Variants in FAT3 observed in about 807,000 individuals in gnomAD.
FAT3 encodes the protein FAT atypical cadherin 3, also known as protocadherin Fat 3.
In FAT3, 95 loss-of-function variants were observed where a neutral mutation model predicts 310.2. The ratio of observed to expected loss-of-function variants is 0.31; its 90% CI spans 0.26 to 0.36. FAT3 has a LOEUF of 0.36. FAT3 is among the 10% of genes least tolerant of loss of function. The pLI is 1.00. For synonymous variants in FAT3, 2,314 were observed against 2,192.9 expected, an observed-to-expected ratio of 1.06 and a Z score of -1.54; for missense variants, 5,408 against 5,715.6, an observed-to-expected ratio of 0.95 and a Z score of 1.74.
At chr11:92,848,859 C>T (rs1948749522) in intron 19 of FAT3, among the ~76,000 whole-genome samples, 1 of 152,156 alleles carries the variant, frequency 6.6e-6, no homozygotes, top group Non-Finnish European at 1.5e-5. Flanking sequence ...GCTGCCTGAG[C>T]AAGGTCTGAA....
chr11:92,577,928 G>C (rs1938574762), intron 3 of FAT3, among the ~76,000 whole-genome samples: 1 of 152,072 alleles, frequency 6.6e-6, no homozygotes, highest in Non-Finnish European at 1.5e-5. Flanking sequence ...TAAAGATAGA[G>C]AGAGACAGAT....
intron 3 of FAT3, among the ~76,000 whole-genome samples, chr11:92,546,110 G>A (rs1222106117): frequency 1.3e-5 from 2 of 152,152 alleles, no homozygotes; most frequent in African/African-American, 4.8e-5. Flanking sequence ...GTCGTCTGCT[G>A]TAATGTTTTG....
intron 2 of FAT3, among the ~76,000 whole-genome samples, chr11:92,413,711 G>T (rs931125446): frequency 7.2e-5 from 11 of 152,322 alleles, no homozygotes; most frequent in African/African-American, 2.4e-4. Flanking sequence ...TAGTATCGGG[G>T]TGGGTTTGCT....
At chr11:92,864,234 T>C (rs770982609) in intron 21 of FAT3, among the ~76,000 whole-genome samples, 6 of 152,090 alleles carry the variant, frequency 3.9e-5, no homozygotes, top group Non-Finnish European at 5.9e-5. Context: ...CCAAGTAATA[T>C]GTTAATTGAA....
chr11:92,594,145 A>G (rs745673565), intron 3 of FAT3, among the ~76,000 whole-genome samples: 4 of 152,176 alleles, frequency 2.6e-5, no homozygotes, highest in East Asian at 1.9e-4. Context: ...ACACTGCTGC[A>G]TAAGAGAATA....
intron 2 of FAT3, among the ~76,000 whole-genome samples, chr11:92,371,679 T>G (rs1417621074): frequency 6.6e-6 from 1 of 152,176 alleles, no homozygotes; most frequent in Non-Finnish European, 1.5e-5. Flanking sequence ...ATCGTGCCAC[T>G]GTGCTCCAGC....
chr11:92,714,916 T>G (rs1025149526), intron 4 of FAT3, among the ~76,000 whole-genome samples: 2 of 152,128 alleles, frequency 1.3e-5, no homozygotes, highest in African/African-American at 4.8e-5. Flanking sequence ...GTCTCGGTTA[T>G]TTTATTGCTT....
rs756896313 is a variant in FAT3, at chr11:92,598,230, A to ATATATAT, written c.3607+73283_3607+73284insATATATT. 9.8e-3 allele frequency among the ~76,000 whole-genome samples: 1,316 copies of ATATATAT among 134,390 alleles called. 12 individuals are homozygous for ATATATAT. The highest frequency in any genetic ancestry group is 0.014 in the Non-Finnish European group (928 of 64,084). 88.2% of individuals were successfully genotyped at this position (134,390 alleles called of 152,430 possible). On this transcript the variant is annotated intron_variant, in intron 3 of 27. Transcript: ENST00000525166. ...TATATGTATACATATATATATATAT[A>ATATATAT]TTTTTTTTTTTTTTGAGACAAAGTC...
At chr11:92,694,289 C>A (rs1342603730) in intron 3 of FAT3, among the ~76,000 whole-genome samples, 1 of 152,146 alleles carries the variant, frequency 6.6e-6, no homozygotes, top group Admixed American at 6.6e-5. Context: ...CCTTTTATTT[C>A]ATATCTATGA....
chr11:92,612,481 G>T (rs1940611708), intron 3 of FAT3, among the ~76,000 whole-genome samples: 1 of 152,172 alleles, frequency 6.6e-6, no homozygotes, highest in Non-Finnish European at 1.5e-5. Flanking sequence ...AATAAGAACT[G>T]GGACTTCTTT....
chr11:92,443,815 G>A (rs576944545), intron 2 of FAT3, among the ~76,000 whole-genome samples: 14 of 152,058 alleles, frequency 9.2e-5, no homozygotes, highest in Non-Finnish European at 1.8e-4. Flanking sequence ...GGAGGAGTGA[G>A]GAGGAGGAGA....
At chr11:92,734,652 G>C (rs1316537542) in intron 4 of FAT3, among the ~76,000 whole-genome samples, 1 of 152,032 alleles carries the variant, frequency 6.6e-6, no homozygotes, top group Non-Finnish European at 1.5e-5. Context: ...ACTCAAAAAT[G>C]AAGAAAAAGA....
At chr11:92,293,676 A>G (rs1415927902) in intron 1 of FAT3, among the ~76,000 whole-genome samples, 1 of 151,444 alleles carries the variant, frequency 6.6e-6, no homozygotes, top group Non-Finnish European at 1.5e-5. Flanking sequence ...ATGGGTCTCA[A>G]GAAAAGGATC....
chr11:92,820,183 C>T (rs927791581), intron 13 of FAT3, among the ~76,000 whole-genome samples: 2 of 152,194 alleles, frequency 1.3e-5, no homozygotes, highest in Non-Finnish European at 2.9e-5. Context: ...TTTACTTTCT[C>T]ACAGTTCTGG....
chr11:92,354,976 T>C lies in FAT3; in HGVS notation c.2864T>C (p.Ile955Thr). The C allele has an allele frequency of 6.2e-7, 1 of 1,613,882 alleles. No homozygotes were observed. The change falls in exon 2 of 28, where the codon ATT becomes ACT. Residue 955 changes from isoleucine (I) to threonine (T), a missense_variant. By Grantham distance (89) the Ile-to-Thr change is moderately conservative (BLOSUM62 -1). Around this residue, in one of 5 missense-constraint regions of FAT3, gnomAD observed 4,588 missense variants for 4,809.8 expected, o/e 0.95. Coordinates refer to ENST00000525166, the MANE Select transcript of FAT3 (RefSeq NM_001367949.2). ...GAAGATCTCCCTGTTGGCACTGTCA[T>C]TGCTTGGCTTGAGACCCATGATCCA... Reference protein sequence around the residue: ...VLEDLPVGTVIAWLETHDPDL... With the variant: ...VLEDLPVGTVTAWLETHDPDL...
intron 3 of FAT3, among the ~76,000 whole-genome samples, chr11:92,611,779 G>T (rs1940573058): frequency 6.6e-6 from 1 of 152,162 alleles, no homozygotes; most frequent in South Asian, 2.1e-4. Context: ...CTCAATGGAG[G>T]TTATTCAGAA....
chr11:92,568,566 A>G (rs1368348577), intron 3 of FAT3, among the ~76,000 whole-genome samples: 1 of 152,138 alleles, frequency 6.6e-6, no homozygotes, highest in Non-Finnish European at 1.5e-5. Context: ...AACATTTAGA[A>G]CATTTTGATT....
chr11:92,750,308 A>G (rs901669364), intron 4 of FAT3, among the ~76,000 whole-genome samples: 7 of 152,180 alleles, frequency 4.6e-5, no homozygotes, highest in Non-Finnish European at 8.8e-5. Context: ...GAGTGAAGGA[A>G]GGTGCAGAGT....
intron 1 of FAT3, among the ~76,000 whole-genome samples, chr11:92,260,003 A>G (rs559694668): frequency 2.0e-5 from 3 of 152,156 alleles, no homozygotes; most frequent in Non-Finnish European, 4.4e-5. Context: ...GAGAGGATCT[A>G]TTACACCCTG....
Sources: gnomAD v4.1 joint callset for allele counts (sites outside exome capture counted in the v4.1 genomes callset) on GRCh38, gnomAD v4.1.1 for gene constraint, gnomAD v4.1.1 regional missense constraint, MANE v1.5 for transcripts, NCBI Gene and HGNC (gene_info 2026-07-23, HGNC 2026-07-21) for gene names.